Variants in ART3 observed in about 807,000 individuals in gnomAD.
ART3 encodes the protein ADP-ribosyltransferase 3 (inactive).
A neutral mutation model predicts 48.5 loss-of-function variants in ART3; 49 were observed. The observed-to-expected ratio is 1.01, with a 90% CI of 0.80 to 1.28. The LOEUF (loss-of-function observed/expected upper bound fraction) is 1.28. ART3 is among the 50% of genes most tolerant of loss of function. ART3 has a pLI of 0.00. For synonymous variants in ART3, 145 were observed against 157.2 expected (o/e 0.92, Z 0.58); for missense variants, 438 against 454.3 (o/e 0.96, Z 0.33).
intron 1 of ART3, among the ~76,000 whole-genome samples, chr4:76,031,787 C>T (rs887220867): frequency 2.6e-5 from 4 of 152,176 alleles, no homozygotes; most frequent in African/African-American, 7.2e-5. Context: ...GCCTGGGCTA[C>T]AGCAGCTTTC....
intron 1 of ART3, among the ~76,000 whole-genome samples, chr4:76,018,777 C>A (rs1425207697): frequency 6.6e-6 from 1 of 151,998 alleles, no homozygotes; most frequent in Admixed American, 6.5e-5. Context: ...CCTATAACCC[C>A]AGCATTTTGG....
intron 1 of ART3, among the ~76,000 whole-genome samples, chr4:76,054,582 A>G (rs1418407124): frequency 1.3e-5 from 2 of 152,194 alleles, no homozygotes; most frequent in Non-Finnish European, 2.9e-5. Flanking sequence ...CTGCAATCCC[A>G]ACACTTTGGG....
At position 76,082,072 on chromosome 4, in the gene ART3, A is replaced by G. The variant is rs1722608893; in HGVS notation, c.318A>G (p.Gln106=). ...IALMAYISEA[Q]EQTPFYHLFS... is the part of the protein sequence containing the mutation. ...TGATGGCATATATTTCCGAAGCTCAAGAGCAAACTCCCTTTTACCATCTGT... is the reference window on the plus strand; with the variant it reads ...TGATGGCATATATTTCCGAAGCTCAGGAGCAAACTCCCTTTTACCATCTGT... Residue 106 remains glutamine (Q), a synonymous_variant, in exon 3 of 12, where the codon CAA becomes CAG. Transcript: ENST00000355810. 6.2e-7 allele frequency: 1 copy of G among 1,614,244 alleles called. No homozygotes were observed. The highest frequency in any genetic ancestry group is 2.2e-5 in the East Asian group (1 of 44,888).
At chr4:76,095,080 T>C (rs960243580) in intron 3 of ART3, among the ~76,000 whole-genome samples, 3 of 152,236 alleles carry the variant, frequency 2.0e-5, no homozygotes, top group Non-Finnish European at 4.4e-5. Context: ...AATTCTCTTA[T>C]CCATTTTTAA....
At chr4:76,040,437 T>TACACACACACACACGC (rs1553926409) in intron 1 of ART3, among the ~76,000 whole-genome samples, 2,721 of 88,430 alleles carry the variant, frequency 0.031, 93 homozygotes, top group East Asian at 0.058. Context: ...ATACACTGGA[T>TACACACACACACACGC]ACACACACAC....
At chr4:76,101,129 T>C in intron 8 of ART3, 110 bp downstream of exon 8, 1 of 1,320,430 alleles carries the variant, frequency 7.6e-7, no homozygotes. Flanking sequence ...AAGGCAGAGC[T>C]CACCTTAGCT....
intron 1 of ART3, chr4:76,023,449 T>C: frequency 6.2e-7 from 1 of 1,611,162 alleles, no homozygotes; most frequent in South Asian, 1.1e-5. Flanking sequence ...AGACTGGAGG[T>C]TCCTCTGCTG....
intron 3 of ART3, among the ~76,000 whole-genome samples, chr4:76,084,862 G>A (rs555893962): frequency 8.9e-4 from 136 of 152,340 alleles, no homozygotes; most frequent in African/African-American, 3.1e-3. Context: ...TGAATGTGGT[G>A]TGACATACCC....
chr4:76,089,275 A>G (rs1363433045), intron 3 of ART3, among the ~76,000 whole-genome samples: 1 of 152,074 alleles, frequency 6.6e-6, no homozygotes, highest in Admixed American at 6.5e-5. Context: ...TGCAAATGAT[A>G]TGGTTTGGAT....
chr4:76,015,432 A>C (rs780783574), intron 1 of ART3, among the ~76,000 whole-genome samples: 3 of 152,198 alleles, frequency 2.0e-5, no homozygotes, highest in Non-Finnish European at 4.4e-5. Context: ...CAGAAAAGAA[A>C]AGAGGGGACT....
chr4:76,042,310 T>G (rs1735045760), intron 1 of ART3, among the ~76,000 whole-genome samples: 1 of 152,254 alleles, frequency 6.6e-6, no homozygotes, highest in Non-Finnish European at 1.5e-5. Flanking sequence ...AAAAAGGTAG[T>G]ATCAAGGATA....
chr4:76,036,154 G>T, intron 1 of ART3: 1 of 594,526 alleles, frequency 1.7e-6, no homozygotes, highest in Non-Finnish European at 3.0e-6. Flanking sequence ...CCCTCTTTGA[G>T]TCATGCACCT....
rs760903130 is a variant in ART3 at position 76,081,989 on chromosome 4, G to T, written c.235G>T (p.Ala79Ser). ...VWENAKAKWA[A>S]RKTQIFLPMN... ...GGAAAATGCAAAAGCCAAATGGGCA[G>T]CCCGAAAGACTCAAATCTTTCTCCC... Residue 79 changes from alanine to serine, a missense_variant, in exon 3 of 12, where the codon GCC (alanine) becomes TCC (serine). Physicochemically the swap from Ala to Ser is moderately conservative, Grantham distance 99 (BLOSUM62 1). Transcript: ENST00000355810. 4 of 1,614,186 alleles carry T rather than the reference G, an allele frequency of 2.5e-6. No individual in the cohort carries two copies. In the Admixed American group the frequency reaches 5.0e-5, roughly 20 times the overall value.
Position 76,085,566 on chromosome 4 carries a change from A to C in ART3, c.781+3031A>C, listed in dbSNP as rs140786637. 1.6e-3 allele frequency among the ~76,000 whole-genome samples: 251 copies of C among 152,328 alleles called. 1 individual carries two copies. Among genetic ancestry groups the C allele is most frequent in the African/African-American group, 5.8e-3 (240 of 41,576 alleles). On this transcript the variant is annotated intron_variant, in intron 3 of 11. Coordinates refer to ENST00000355810, the MANE Select transcript of ART3 (RefSeq NM_001130016.3). ...AGTTGCACCTGAGAAGGACGATTCT[A>C]GTTAGAGCAGATGAAAGCTGAAATG...
At chr4:76,035,465 G>T in intron 1 of ART3, 1 of 932,428 alleles carries the variant, frequency 1.1e-6, no homozygotes, top group Non-Finnish European at 1.6e-6. Flanking sequence ...TTGTCAAATA[G>T]CACTTAACAC....
chr4:76,036,921 G>C, intron 1 of ART3: 1 of 201,548 alleles, frequency 5.0e-6, no homozygotes. Context: ...TAGGGGTGAA[G>C]CCACACACCT....
chr4:76,069,262 G>C (rs953798552), intron 1 of ART3, among the ~76,000 whole-genome samples: 1 of 151,316 alleles, frequency 6.6e-6, no homozygotes, highest in African/African-American at 2.4e-5. Context: ...AGCCTAGTAC[G>C]CATTAACAGT....
In ART3 at chr4:76,095,596, T is replaced by C. The variant is rs150462721; in HGVS notation, c.782-2048T>C. On this transcript the variant is annotated intron_variant, in intron 3 of 11. Coordinates refer to ENST00000355810, the MANE Select transcript of ART3 (RefSeq NM_001130016.3). Reference sequence around the variant, plus strand: ...TTTTGTGCATAAAAATCACTTGGAGTGCTTATTTAAAATGCAGATCACAAG... The same window carrying C: ...TTTTGTGCATAAAAATCACTTGGAGCGCTTATTTAAAATGCAGATCACAAG... Among the ~76,000 whole-genome samples, 7 of 152,274 alleles carry C rather than the reference T, an allele frequency of 4.6e-5. No homozygotes were observed. The East Asian group carries it at 1.4e-3, about 29-fold the overall frequency.
intron 5 of ART3, among the ~76,000 whole-genome samples, chr4:76,099,815 T>G (rs1578574567): frequency 6.6e-6 from 1 of 152,266 alleles, no homozygotes; most frequent in South Asian, 2.1e-4. Context: ...GTGGCTACAA[T>G]AAATTTTTCT....
Sources: gnomAD v4.1 joint callset for allele counts (sites outside exome capture counted in the v4.1 genomes callset) on GRCh38, gnomAD v4.1.1 for gene constraint, MANE v1.5 for transcripts, NCBI Gene and HGNC (gene_info 2026-07-23, HGNC 2026-07-21) for gene names.